The following PDCD6 variants were observed in gnomAD, a reference collection of about 807,000 sequenced individuals.
The protein encoded by PDCD6 is programmed cell death protein 6.
A neutral mutation model predicts 28.3 loss-of-function variants in PDCD6; 12 were observed. The observed-to-expected ratio is 0.42, with a 90% confidence interval of 0.27 to 0.69. The LOEUF (loss-of-function observed/expected upper bound fraction) is 0.69. PDCD6 is among the 30% of genes least tolerant of loss of function. PDCD6 has a pLI of 0.22. For missense variants in PDCD6, 226 were observed against 269.9 expected (o/e 0.84, Z 1.14); for synonymous variants, 92 against 108.0 (o/e 0.85, Z 0.92).
intron 2 of PDCD6, among the ~76,000 whole-genome samples, chr5:294,172 A>G (rs1310233228): frequency 1.3e-5 from 2 of 151,886 alleles, no homozygotes; most frequent in Non-Finnish European, 2.9e-5. Flanking sequence ...CACCAAAAGC[A>G]TGATTCATAA....
chr5:313,193 A>G (rs560101194), intron 5 of PDCD6, among the ~76,000 whole-genome samples: 87 of 152,364 alleles, frequency 5.7e-4, no homozygotes, highest in African/African-American at 2.1e-3. Flanking sequence ...AAAGAAAAGA[A>G]AGCTGCAGAC....
At chr5:296,071 T>C (rs770012749) in intron 2 of PDCD6, among the ~76,000 whole-genome samples, 6 of 152,260 alleles carry the variant, frequency 3.9e-5, no homozygotes, top group East Asian at 1.9e-4. Context: ...TCACACTACC[T>C]GGGAGGCCTG....
At chr5:314,346 C>T in intron 5 of PDCD6, 71 bp from the exon 6 acceptor site, 1 of 1,130,030 alleles carries the variant, frequency 8.8e-7, no homozygotes, top group Non-Finnish European at 1.3e-6. Flanking sequence ...TGGGTCCCTA[C>T]ATGCCTTTGT....
rs145453878 is a variant in PDCD6 at position 297,680 on chromosome 5, A to G, written c.164-6497A>G. On this transcript the variant is annotated intron_variant, in intron 2 of 5. Transcript: ENST00000264933. Reference sequence around the variant, plus strand: ...AGCACGAGATCTTCCCTCTCAGCCAATCGCAAACGGCCCACAAGAAAATGA... The same window carrying G: ...AGCACGAGATCTTCCCTCTCAGCCAGTCGCAAACGGCCCACAAGAAAATGA... Among the ~76,000 whole-genome samples, 944 of 152,274 alleles carry G rather than the reference A, an allele frequency of 6.2e-3. 12 individuals are homozygous for G. Among genetic ancestry groups the G allele is most frequent in the African/African-American group, 0.022 (927 of 41,540 alleles).
In PDCD6 at chr5:314,535, G is replaced by C; in HGVS notation, c.*20G>C. Reference sequence around the variant, plus strand: ...GTATGACCCTGGCCTCTCGTGAAGAGCAGCACAACATGGAAAGAGCCAAAA... The same window carrying C: ...GTATGACCCTGGCCTCTCGTGAAGACCAGCACAACATGGAAAGAGCCAAAA... On this transcript the variant is annotated 3_prime_UTR_variant, in exon 6 of 6. Transcript: ENST00000264933. 1.3e-6 allele frequency: 2 copies of C among 1,562,330 alleles called. No individual in the cohort carries two copies. The highest frequency in any genetic ancestry group is 1.8e-6 in the Non-Finnish European group (2 of 1,133,374).
intron 2 of PDCD6, among the ~76,000 whole-genome samples, chr5:296,382 C>A (rs753796535): frequency 2.6e-5 from 4 of 152,156 alleles, no homozygotes; most frequent in Non-Finnish European, 2.9e-5. Flanking sequence ...GTTCACGCCC[C>A]ACGTGCACCT....
chr5:283,230 G>C (rs1201894590), intron 2 of PDCD6, among the ~76,000 whole-genome samples: 2 of 151,502 alleles, frequency 1.3e-5, no homozygotes, highest in Non-Finnish European at 1.5e-5. Context: ...GGGAGGAGCT[G>C]ATGTTGTAGT....
At chr5:287,497 A>G (rs1317900579) in intron 2 of PDCD6, among the ~76,000 whole-genome samples, 1 of 152,150 alleles carries the variant, frequency 6.6e-6, no homozygotes, top group East Asian at 1.9e-4. Flanking sequence ...TAATACCCTC[A>G]GGAATTGAAA....
intron 2 of PDCD6, among the ~76,000 whole-genome samples, chr5:293,242 G>A (rs984221689): frequency 3.9e-5 from 6 of 152,166 alleles, no homozygotes; most frequent in African/African-American, 1.2e-4. Flanking sequence ...TCAAGAAGAC[G>A]GGAACAGCAC....
chr5:282,512 T>C (rs757036494), intron 2 of PDCD6, among the ~76,000 whole-genome samples: 1 of 138,942 alleles, frequency 7.2e-6, no homozygotes, highest in Non-Finnish European at 1.6e-5. Flanking sequence ...CTGAAGACTC[T>C]GGGAGGAGCT....
chr5:299,482 T>A (rs1192316085), intron 2 of PDCD6, among the ~76,000 whole-genome samples: 1 of 151,600 alleles, frequency 6.6e-6, no homozygotes, highest in Non-Finnish European at 1.5e-5. Context: ...TATAAGAAAT[T>A]AACTTTTTTC....
chr5:301,593 C>T (rs1035991217), intron 2 of PDCD6, among the ~76,000 whole-genome samples: 9 of 152,220 alleles, frequency 5.9e-5, no homozygotes, highest in African/African-American at 2.2e-4. Flanking sequence ...TCGAGTGCTG[C>T]TGTGTGTGTA....
intron 2 of PDCD6, among the ~76,000 whole-genome samples, chr5:284,915 AC>A (rs1268694411): frequency 1.4e-5 from 2 of 139,298 alleles, no homozygotes; most frequent in East Asian, 5.2e-4. Context: ...GCAGCTGGAG[AC>A]CCGGGGAGGA....
intron 2 of PDCD6, among the ~76,000 whole-genome samples, chr5:293,057 C>G (rs1739405899): frequency 1.3e-5 from 2 of 152,190 alleles, no homozygotes; most frequent in African/African-American, 4.8e-5. Context: ...TCCGGAAAAC[C>G]AAACACCTCT....
chr5:279,510 G>A (rs576364773), intron 2 of PDCD6, among the ~76,000 whole-genome samples: 3 of 152,088 alleles, frequency 2.0e-5, no homozygotes, highest in Non-Finnish European at 2.9e-5. Flanking sequence ...GCCCAGCCAC[G>A]CCACGGGTGC....
intron 5 of PDCD6, chr5:313,875 T>TA: frequency 6.4e-6 from 1 of 156,864 alleles, no homozygotes; most frequent in African/African-American, 2.4e-5. Context: ...AAGTGTCACT[T>TA]ACTTAACCAT....
At chr5:273,654 C>T (rs1334916759) in intron 2 of PDCD6, among the ~76,000 whole-genome samples, 1 of 152,092 alleles carries the variant, frequency 6.6e-6, no homozygotes, top group Non-Finnish European at 1.5e-5. Context: ...GCGCGGGGAG[C>T]ACTACGGCTG....
chr5:288,501 T>A (rs1474814704), intron 2 of PDCD6, among the ~76,000 whole-genome samples: 3 of 150,720 alleles, frequency 2.0e-5, no homozygotes, highest in Admixed American at 2.0e-4. Flanking sequence ...AATGTGATAA[T>A]CTCAAAAAAC....
chr5:271,686 T>G lies in PDCD6; in HGVS notation c.-35T>G. The G allele has an allele frequency of 1.6e-6, 2 of 1,290,004 alleles. No individual in the cohort carries two copies. The highest frequency in any genetic ancestry group is 2.2e-6 in the Non-Finnish European group (2 of 923,318). The allele number at this position is 1,290,004 out of a possible 1,614,324, so 79.9% of individuals were successfully genotyped here. A position where few individuals can be genotyped will look rare whatever the true frequency, so the allele number is the denominator to read the frequency against. The stretch of plus-strand genomic sequence containing the variant: ...GTCGGCCTGAGAGGTCTCTCGTCGC[T>G]GCAGGCGCCTCAGCCCAGCCGCGTG... On this transcript the variant is annotated 5_prime_UTR_variant, in exon 1 of 6. Transcript: ENST00000264933.
Sources: allele counts gnomAD v4.1 joint callset (sites outside exome capture counted in the v4.1 genomes callset), GRCh38; gene constraint gnomAD v4.1.1; transcripts MANE v1.5; gene names NCBI Gene and HGNC (gene_info 2026-07-23, HGNC 2026-07-21).